The following NCOA6 variants were observed in gnomAD, a reference collection of about 807,000 sequenced individuals.
NCOA6 encodes NRC RAP250.
Under a neutral mutation model 171.4 loss-of-function variants are expected in NCOA6, and 49 were observed. That is an observed-to-expected ratio of 0.29 (90% CI 0.23 to 0.36). The LOEUF (loss-of-function observed/expected upper bound fraction) is 0.36, where lower values mean the gene tolerates loss of function less well. NCOA6 is among the 10% of genes least tolerant of loss of function. The pLI is 1.00. For synonymous variants in NCOA6, 910 were observed against 927.5 expected, an observed-to-expected ratio of 0.98 and a Z score of 0.34; for missense variants, 2,248 against 2,554.5, an observed-to-expected ratio of 0.88 and a Z score of 2.59.
chr20:34,812,263 A>AC (rs975982257), intron 1 of NCOA6, among the ~76,000 whole-genome samples: 5 of 151,802 alleles, frequency 3.3e-5, no homozygotes, highest in South Asian at 2.1e-4. Context: ...AAAAAAAAAA[A>AC]AACAACAACA....
At chr20:34,763,983 C>T (rs866164907) in intron 5 of NCOA6, among the ~76,000 whole-genome samples, 4 of 148,254 alleles carry the variant, frequency 2.7e-5, no homozygotes, top group African/African-American at 5.0e-5. Context: ...CATTTGTTTA[C>T]TGCCGTTTAA....
rs776155325 is a variant in NCOA6, at chr20:34,754,750, C to A, written c.1647G>T (p.Leu549=). ...TTPGNSGAPQ[L]QANQNVQHAG... is the part of the protein sequence containing the mutation. ...CATGCTGGACATTTTGATTTGCTTG[C>A]AGCTGAGGGGCTCCTGAATTCCCAG... is the stretch of plus-strand genomic sequence containing the variant. The change falls in exon 8 of 15, where the codon CTG becomes CTT. Residue 549 remains leucine, a synonymous_variant. Coordinates refer to ENST00000359003, the MANE Select transcript of NCOA6 (RefSeq NM_014071.5). 17 of 1,614,056 alleles carry A rather than the reference C, an allele frequency of 1.1e-5. No homozygotes were observed. In the South Asian group the frequency reaches 1.6e-4, roughly 16 times the overall value.
intron 1 of NCOA6, among the ~76,000 whole-genome samples, chr20:34,799,327 A>T (rs2078180461): frequency 6.6e-6 from 1 of 152,210 alleles, no homozygotes; most frequent in Non-Finnish European, 1.5e-5. Context: ...CATCTACAAG[A>T]TCTATTAACA....
chr20:34,821,379 A>C (rs950609940), intron 1 of NCOA6: 2 of 152,178 alleles, frequency 1.3e-5, no homozygotes, highest in African/African-American at 4.8e-5. Flanking sequence ...TCGACCTCTG[A>C]CATAGATAGT....
chr20:34,780,390 C>A (rs1454327544), intron 3 of NCOA6, among the ~76,000 whole-genome samples: 1 of 152,056 alleles, frequency 6.6e-6, no homozygotes, highest in Non-Finnish European at 1.5e-5. Context: ...CAGAGTCTCG[C>A]TCTGTCACTC....
At chr20:34,736,872 A>G (rs2075975201) in intron 11 of NCOA6, 114 bp from the exon 12 acceptor site, 3 of 879,718 alleles carry the variant, frequency 3.4e-6, no homozygotes, top group South Asian at 2.2e-5. Flanking sequence ...CTTAGAGGGC[A>G]GTACTCAAAA....
At chr20:34,739,738 T>A (rs1287243363) in intron 11 of NCOA6, among the ~76,000 whole-genome samples, 1 of 152,248 alleles carries the variant, frequency 6.6e-6, no homozygotes, top group African/African-American at 2.4e-5. Context: ...GTTAAGAATA[T>A]CTGACATAGT....
At chr20:34,730,129 T>C (rs1224974365) in intron 13 of NCOA6, among the ~76,000 whole-genome samples, 1 of 151,990 alleles carries the variant, frequency 6.6e-6, no homozygotes, top group Non-Finnish European at 1.5e-5. Context: ...GTGTGGGTAG[T>C]GCAATCATGG....
chr20:34,803,676 T>A (rs779936593), intron 1 of NCOA6, among the ~76,000 whole-genome samples: 1 of 152,054 alleles, frequency 6.6e-6, no homozygotes, highest in Non-Finnish European at 1.5e-5. Flanking sequence ...AATAACTGAT[T>A]TTGTGGTCAA....
chr20:34,740,270 T>G, intron 11 of NCOA6, 93 bp downstream of exon 11: 1 of 1,468,422 alleles, frequency 6.8e-7, no homozygotes, highest in Non-Finnish European at 9.1e-7. Context: ...CCCATTCTCT[T>G]TCCTCCAAGT....
At position 34,727,473 on chromosome 20, in the gene NCOA6, T is replaced by C; in HGVS notation, c.6000-66A>G. 3.9e-6 allele frequency: 6 copies of C among 1,530,378 alleles called. No individual in the cohort carries two copies. In the South Asian group the frequency reaches 6.8e-5, roughly 17 times the overall value. 94.8% of individuals were successfully genotyped at this position (1,530,378 alleles called of 1,614,324 possible). A position where few individuals can be genotyped will look rare whatever the true frequency, so the allele number is the denominator to read the frequency against. The stretch of plus-strand genomic sequence containing the variant: ...ACCAGGCCACACAAAAAACGGGCTC[T>C]TCAGATAGTTTCATTCGTAAAGTAG... On this transcript the variant is annotated intron_variant, in intron 13 of 14. Transcript: ENST00000359003.
At chr20:34,770,092 C>A (rs137866394) in intron 4 of NCOA6, among the ~76,000 whole-genome samples, 77 of 151,192 alleles carry the variant, frequency 5.1e-4, no homozygotes, top group Middle Eastern at 3.4e-3. Flanking sequence ...CAGGCTGAAG[C>A]GCAGTGGTGC....
At chr20:34,747,565 A>C (rs910577835) in intron 9 of NCOA6, among the ~76,000 whole-genome samples, 1 of 152,232 alleles carries the variant, frequency 6.6e-6, no homozygotes, top group African/African-American at 2.4e-5. Flanking sequence ...TAACACCCAC[A>C]TTCTCAAAGA....
chr20:34,745,041 C>T (rs1415375863), intron 10 of NCOA6, among the ~76,000 whole-genome samples: 3 of 152,122 alleles, frequency 2.0e-5, no homozygotes, highest in East Asian at 1.9e-4. Flanking sequence ...TTGGGGCTGA[C>T]GTGACAGAAT....
In NCOA6 at chr20:34,757,350, TC is replaced by T; in HGVS notation, c.1397del (p.Gly466AspfsTer26). On this transcript the variant is annotated frameshift_variant, in exon 7 of 15. Coordinates refer to ENST00000359003, the MANE Select transcript of NCOA6 (RefSeq NM_014071.5). LOFTEE classifies it high-confidence loss of function. ...RPPQNNPLPQGFQQPVSSPGR... is the reference protein window; with the variant it reads ...RPPQNNPLPQXFQQPVSSPGR... ...CCGGAGAGCTGACAGGCTGCTGAAA[TC>T]CCTGGGGAAGTGGGTTATTTTGAGG... 6.2e-7 allele frequency: 1 copy of T among 1,614,140 alleles called. No individual in the cohort carries two copies. Among genetic ancestry groups the T allele is most frequent in the South Asian group, 1.1e-5 (1 of 91,086 alleles).
chr20:34,818,337 G>C (rs375212120), intron 1 of NCOA6, among the ~76,000 whole-genome samples: 1 of 152,054 alleles, frequency 6.6e-6, no homozygotes, highest in Non-Finnish European at 1.5e-5. Context: ...CTGGGCAACA[G>C]AGTAAGACCC....
At chr20:34,747,067 GATAAA>G in intron 9 of NCOA6, 139 bp from the exon 10 acceptor site, 1 of 871,182 alleles carries the variant, frequency 1.1e-6, no homozygotes. Flanking sequence ...CTCTAGTCTA[GATAAA>G]ATATTAAATA....
At chr20:34,763,839 T>C (rs2076889373) in intron 5 of NCOA6, among the ~76,000 whole-genome samples, 1 of 152,090 alleles carries the variant, frequency 6.6e-6, no homozygotes, top group Admixed American at 6.6e-5. Context: ...ATTTTCCTAA[T>C]CTATCTTTCA....
chr20:34,799,758 T>G (rs1360157284), intron 1 of NCOA6, among the ~76,000 whole-genome samples: 1 of 152,120 alleles, frequency 6.6e-6, no homozygotes, highest in African/African-American at 2.4e-5. Flanking sequence ...GAAAATATCC[T>G]ACAAACATGA....
Sources: gnomAD v4.1 joint callset for allele counts (sites outside exome capture counted in the v4.1 genomes callset) on GRCh38, gnomAD v4.1.1 for gene constraint, MANE v1.5 for transcripts, NCBI Gene and HGNC (gene_info 2026-07-23, HGNC 2026-07-21) for gene names.